The following GLIS3 variants were observed in gnomAD, a reference collection of about 807,000 sequenced individuals.
The protein encoded by GLIS3 is GLIS family zinc finger 3.
In GLIS3, 53 loss-of-function variants were observed where a neutral mutation model predicts 78.6. That is an observed-to-expected ratio of 0.67 (90% CI 0.54 to 0.85). The LOEUF is 0.85. GLIS3 is among the 40% of genes least tolerant of loss of function. The probability of loss-of-function intolerance (pLI) is 0.00; values close to 1 mark genes in which losing one functional copy is unlikely to be tolerated. For synonymous variants in GLIS3, 684 were observed against 509.9 expected, an observed-to-expected ratio of 1.34 and a Z score of -4.60; for missense variants, 1,703 against 1,231.1, an observed-to-expected ratio of 1.38 and a Z score of -5.74.
the GLIS3 span, among the ~76,000 whole-genome samples, chr9:4,430,937 G>C: frequency 2.7e-5 from 4 of 148,166 alleles, no homozygotes; most frequent in Non-Finnish European, 5.9e-5. Context: ...GAGAGAAGCT[G>C]TGAGAAGTGA....
intron 2 of GLIS3, among the ~76,000 whole-genome samples, chr9:4,327,970 G>C (rs1015119819): frequency 6.7e-6 from 1 of 148,866 alleles, no homozygotes; most frequent in Non-Finnish European, 1.5e-5. Flanking sequence ...CGGGAAAAAG[G>C]AAAGTAGGAA....
intron 7 of GLIS3, among the ~76,000 whole-genome samples, chr9:3,881,588 C>T (rs996061081): frequency 2.0e-5 from 3 of 152,172 alleles, no homozygotes; most frequent in African/African-American, 7.2e-5. Context: ...GCCTGCCACT[C>T]GCTCAGAGTT....
intron 2 of GLIS3, among the ~76,000 whole-genome samples, chr9:4,161,825 G>A (rs903855473): frequency 1.1e-4 from 17 of 148,540 alleles, no homozygotes; most frequent in African/African-American, 4.2e-4. Flanking sequence ...GATTACAGGT[G>A]CATGTCACAC....
At chr9:4,054,431 T>G in intron 4 of GLIS3, 1 of 985,418 alleles carries the variant, frequency 1.0e-6, no homozygotes, top group African/African-American at 1.7e-5. Flanking sequence ...TACAAACACT[T>G]TGGCGAGAGT....
chr9:4,053,802 T>C (rs574864638), intron 4 of GLIS3, among the ~76,000 whole-genome samples: 135 of 151,538 alleles, frequency 8.9e-4, no homozygotes, highest in Non-Finnish European at 1.5e-3. Flanking sequence ...AGTGACACCA[T>C]TGGCGAACTG....
chr9:4,472,456 A>G, the GLIS3 span, among the ~76,000 whole-genome samples: 2 of 152,228 alleles, frequency 1.3e-5, no homozygotes, highest in African/African-American at 2.4e-5. Flanking sequence ...CGTCCTTTGT[A>G]GGGACATGGA....
chr9:4,383,179 C>A, the GLIS3 span, among the ~76,000 whole-genome samples: 1 of 152,192 alleles, frequency 6.6e-6, no homozygotes, highest in Non-Finnish European at 1.5e-5. Context: ...GGCCCAAGGC[C>A]TAAGATTTCA....
intron 2 of GLIS3, among the ~76,000 whole-genome samples, chr9:4,220,989 T>A (rs1424461438): frequency 6.6e-6 from 1 of 151,980 alleles, no homozygotes; most frequent in Non-Finnish European, 1.5e-5. Context: ...TGTCTCTAAT[T>A]AATTAATTAA....
chr9:4,203,411 C>A (rs1241619349), intron 2 of GLIS3, among the ~76,000 whole-genome samples: 1 of 152,212 alleles, frequency 6.6e-6, no homozygotes, highest in Admixed American at 6.5e-5. Context: ...CTGTAGAAAG[C>A]AGTTCCGAGA....
At chr9:4,367,230 A>C in the GLIS3 span, among the ~76,000 whole-genome samples, 1 of 152,172 alleles carries the variant, frequency 6.6e-6, no homozygotes, top group Non-Finnish European at 1.5e-5. Context: ...CAGCTTCATC[A>C]GTTGCCCCTC....
intron 7 of GLIS3, among the ~76,000 whole-genome samples, chr9:3,886,029 C>T (rs532795235): frequency 5.0e-4 from 76 of 152,292 alleles, no homozygotes; most frequent in African/African-American, 1.5e-3. Context: ...TATGCCTGAA[C>T]GCCAGTCAAG....
At chr9:4,341,981 G>C (rs1817839589) in intron 2 of GLIS3, among the ~76,000 whole-genome samples, 1 of 152,142 alleles carries the variant, frequency 6.6e-6, no homozygotes, top group Admixed American at 6.5e-5. Flanking sequence ...TAAGTTCCTT[G>C]TGGATTCTGG....
At chr9:4,091,390 A>G (rs1829489452) in intron 4 of GLIS3, among the ~76,000 whole-genome samples, 1 of 152,040 alleles carries the variant, frequency 6.6e-6, no homozygotes, top group Admixed American at 6.6e-5. Flanking sequence ...TTAAAAAAAT[A>G]ATTAAACGTT....
At position 4,125,665 on chromosome 9, in the gene GLIS3, G is replaced by C. The variant is rs1027876604; in HGVS notation, c.596+69C>G. On this transcript the variant is annotated intron_variant, in intron 3 of 10. Coordinates refer to ENST00000381971, the MANE Select transcript of GLIS3 (RefSeq NM_001042413.2). Reference sequence around the variant, plus strand: ...GTGTGTGTGTGTGTGTATTCAGAAAGAGAACGGAAAACACTTGTGGGGTGT... The same window carrying C: ...GTGTGTGTGTGTGTGTATTCAGAAACAGAACGGAAAACACTTGTGGGGTGT... 4.9e-6 allele frequency: 5 copies of C among 1,021,060 alleles called. No individual in the cohort carries two copies. The East Asian group carries it at 7.1e-5, about 15-fold the overall frequency. The allele number at this position is 1,021,060 out of a possible 1,614,324, so 63.3% of individuals were successfully genotyped here. A position where few individuals can be genotyped will look rare whatever the true frequency, so the allele number is the denominator to read the frequency against.
chr9:4,354,264 T>G, the GLIS3 span, among the ~76,000 whole-genome samples: 4 of 152,148 alleles, frequency 2.6e-5, no homozygotes, highest in Non-Finnish European at 5.9e-5. Context: ...GAGTACTTTC[T>G]CCAGCCAAAC....
intron 4 of GLIS3, among the ~76,000 whole-genome samples, chr9:4,042,941 G>A (rs1259861035): frequency 7.5e-6 from 1 of 132,696 alleles, no homozygotes; most frequent in Non-Finnish European, 1.5e-5. Context: ...ATTAGAGCTT[G>A]CTTGAAAAGA....
At chr9:4,258,731 G>C (rs1238833366) in intron 2 of GLIS3, among the ~76,000 whole-genome samples, 1 of 152,012 alleles carries the variant, frequency 6.6e-6, no homozygotes, top group African/African-American at 2.4e-5. Flanking sequence ...CTCATTTATT[G>C]ATTTGTTTTA....
At chr9:4,173,325 G>A (rs545506704) in intron 2 of GLIS3, among the ~76,000 whole-genome samples, 37 of 152,164 alleles carry the variant, frequency 2.4e-4, no homozygotes, top group African/African-American at 8.2e-4. Context: ...AGCTTCAGGT[G>A]GCAAATATGT....
the GLIS3 span, among the ~76,000 whole-genome samples, chr9:4,477,455 C>T: frequency 8.0e-3 from 1,219 of 152,048 alleles, 14 homozygotes; most frequent in African/African-American, 0.028. Context: ...CTCTTTGTCA[C>T]CCAGGTTGTA....
Sources: allele counts gnomAD v4.1 joint callset (sites outside exome capture counted in the v4.1 genomes callset), GRCh38; gene constraint gnomAD v4.1.1; transcripts MANE v1.5; gene names NCBI Gene and HGNC (gene_info 2026-07-23, HGNC 2026-07-21).